Variants in AFAP1L2 observed in about 807,000 individuals in gnomAD.
AFAP1L2 encodes the protein actin filament-associated protein 1-like 2.
AFAP1L2 carries 46 observed loss-of-function variants against 99.3 expected under a neutral mutation model. The observed-to-expected ratio is 0.46, with a 90% CI of 0.37 to 0.59. The LOEUF (loss-of-function observed/expected upper bound fraction) is 0.59, where lower values mean the gene tolerates loss of function less well. AFAP1L2 is among the 20% of genes least tolerant of loss of function. AFAP1L2 has a pLI of 0.00. For synonymous variants in AFAP1L2, 397 were observed against 419.1 expected (o/e 0.95, Z 0.64); for missense variants, 959 against 1,034.9 (o/e 0.93, Z 1.01).
chr10:114,386,467 T>G (rs2056512714), intron 1 of AFAP1L2, among the ~76,000 whole-genome samples: 1 of 152,154 alleles, frequency 6.6e-6, no homozygotes, highest in Admixed American at 6.5e-5. Flanking sequence ...TAACCACTCT[T>G]GATTGTGATG....
At chr10:114,371,853 A>T (rs1379175769) in intron 1 of AFAP1L2, among the ~76,000 whole-genome samples, 2 of 139,472 alleles carry the variant, frequency 1.4e-5, no homozygotes, top group Non-Finnish European at 1.5e-5. Context: ...CAAAAGGAAG[A>T]TTTTTTTGGG....
intron 5 of AFAP1L2, among the ~76,000 whole-genome samples, chr10:114,317,425 C>A (rs774303148): frequency 6.6e-6 from 1 of 152,130 alleles, no homozygotes; most frequent in Non-Finnish European, 1.5e-5. Flanking sequence ...TGAACTCTTA[C>A]GTTATAGGTG....
At chr10:114,338,637 C>T (rs944019785) in intron 2 of AFAP1L2, among the ~76,000 whole-genome samples, 1 of 152,196 alleles carries the variant, frequency 6.6e-6, no homozygotes, top group Non-Finnish European at 1.5e-5. Context: ...CACTCAACAG[C>T]ATGGATGAAT....
At chr10:114,314,777 T>TCC (rs2043846131) in intron 6 of AFAP1L2, among the ~76,000 whole-genome samples, 1 of 152,112 alleles carries the variant, frequency 6.6e-6, no homozygotes, top group Non-Finnish European at 1.5e-5. Flanking sequence ...CTGGGTCTGG[T>TCC]CTTGTAATCA....
chr10:114,397,797 A>T (rs1322621067), intron 1 of AFAP1L2, among the ~76,000 whole-genome samples: 5 of 152,294 alleles, frequency 3.3e-5, no homozygotes, highest in Middle Eastern at 3.4e-3. Context: ...CTCCAGCAGA[A>T]GGCTGATTTG....
downstream of AFAP1L2, chr10:114,294,743 A>C (rs1044516232): frequency 1.2e-6 from 1 of 830,462 alleles, no homozygotes; most frequent in African/African-American, 1.8e-5. Flanking sequence ...CTTGTAGTTC[A>C]GTGTGTAAAT....
chr10:114,289,172 C>T, the AFAP1L2 span: 1 of 1,613,716 alleles, frequency 6.2e-7, no homozygotes, highest in Non-Finnish European at 8.5e-7. Flanking sequence ...AGCCAGGCCC[C>T]CTACCTAGGT....
chr10:114,370,807 C>A (rs2053989246), intron 1 of AFAP1L2, among the ~76,000 whole-genome samples: 2 of 152,188 alleles, frequency 1.3e-5, no homozygotes, highest in Non-Finnish European at 1.5e-5. Flanking sequence ...TTGGAGGTCA[C>A]TGGGTTCATC....
At chr10:114,389,987 T>C (rs1261657441) in intron 1 of AFAP1L2, among the ~76,000 whole-genome samples, 1 of 152,224 alleles carries the variant, frequency 6.6e-6, no homozygotes, top group Non-Finnish European at 1.5e-5. Flanking sequence ...GACAATAGGC[T>C]ACAAGCAAAC....
chr10:114,325,844 C>A (rs1465226682), intron 4 of AFAP1L2: 6 of 1,259,406 alleles, frequency 4.8e-6, no homozygotes, highest in Non-Finnish European at 6.2e-6. Context: ...CCACTAACAA[C>A]AGGCTCCCTA....
intron 1 of AFAP1L2, chr10:114,393,550 C>T (rs1045802994): frequency 6.6e-6 from 1 of 152,202 alleles, no homozygotes; most frequent in Non-Finnish European, 1.5e-5. Flanking sequence ...TCCCCGAAGC[C>T]TCTTTCATCG....
intron 1 of AFAP1L2, among the ~76,000 whole-genome samples, chr10:114,348,377 C>T (rs2049924779): frequency 6.6e-6 from 1 of 152,196 alleles, no homozygotes; most frequent in Non-Finnish European, 1.5e-5. Flanking sequence ...ATAGGCAGCC[C>T]TCTCCCTACT....
the AFAP1L2 span, chr10:114,289,252 C>T: frequency 3.4e-5 from 55 of 1,613,970 alleles, no homozygotes; most frequent in Admixed American, 2.8e-4. Context: ...GAGGGGTGCC[C>T]GGCCTGGTGT....
At chr10:114,404,305 G>A in intron 1 of AFAP1L2, 135 bp downstream of exon 1, 1 of 1,055,924 alleles carries the variant, frequency 9.5e-7, no homozygotes, top group Non-Finnish European at 1.4e-6. Context: ...CCCCTCTTAG[G>A]CCCAGGTCCG....
chr10:114,321,306 C>A (rs111581806), intron 5 of AFAP1L2, among the ~76,000 whole-genome samples: 139 of 152,138 alleles, frequency 9.1e-4, no homozygotes, highest in Middle Eastern at 6.8e-3. Context: ...ATCACTCATG[C>A]CTTTGGGTCT....
At chr10:114,292,510 T>C (rs755768136), downstream of AFAP1L2, among the ~76,000 whole-genome samples, 3 of 151,498 alleles carry the variant, frequency 2.0e-5, no homozygotes, top group Non-Finnish European at 1.5e-5. Flanking sequence ...TCAAGAAATG[T>C]TGGTTATTTA....
intron 1 of AFAP1L2, among the ~76,000 whole-genome samples, chr10:114,385,425 G>T (rs1479340404): frequency 1.3e-5 from 2 of 152,162 alleles, no homozygotes; most frequent in South Asian, 2.1e-4. Flanking sequence ...AAACATGGCT[G>T]CAGGTCAGGG....
At chr10:114,356,189 C>A (rs555370600) in intron 1 of AFAP1L2, among the ~76,000 whole-genome samples, 1 of 152,130 alleles carries the variant, frequency 6.6e-6, no homozygotes, top group Non-Finnish European at 1.5e-5. Context: ...TAACATGGTG[C>A]ATATTCCCCC....
Position 114,333,271 on chromosome 10 carries a change from A to G in AFAP1L2, c.170T>C (p.Met57Thr), listed in dbSNP as rs2047486219. Residue 57 changes from methionine (M) to threonine (T), a missense_variant, in exon 3 of 19, where the codon ATG becomes ACG. Coordinates refer to ENST00000304129, the MANE Select transcript of AFAP1L2 (RefSeq NM_001001936.3). ...SSSSDEEYIY[M>T]NKVTINKQQN... ...TTGCTTGTTGATGGTCACTTTGTTC[A>G]TATAAATGTACTCCTCATCAGAGCC... 6.2e-7 allele frequency: 1 copy of G among 1,613,928 alleles called. No individual in the cohort carries two copies. The highest frequency in any genetic ancestry group is 8.5e-7 in the Non-Finnish European group (1 of 1,180,000).
Sources: allele counts gnomAD v4.1 joint callset (sites outside exome capture counted in the v4.1 genomes callset), GRCh38; gene constraint gnomAD v4.1.1; transcripts MANE v1.5; gene names NCBI Gene and HGNC (gene_info 2026-07-23, HGNC 2026-07-21).